The following FCRL6 variants were observed in gnomAD, a reference collection of about 807,000 sequenced individuals.
The protein encoded by FCRL6 is Fc receptor-like protein 6.
In FCRL6, 50 loss-of-function variants were observed where a neutral mutation model predicts 49.1. The ratio of observed to expected loss-of-function variants is 1.02; its 90% CI spans 0.81 to 1.29. The LOEUF (loss-of-function observed/expected upper bound fraction) is 1.29, where lower values mean the gene tolerates loss of function less well. Ranked by LOEUF, FCRL6 falls within the 50% of genes most tolerant of loss-of-function variation. The pLI is 0.00. For synonymous variants in FCRL6, 213 were observed against 199.6 expected, an observed-to-expected ratio of 1.07 and a Z score of -0.57; for missense variants, 571 against 518.5, an observed-to-expected ratio of 1.10 and a Z score of -0.98.
intron 2 of FCRL6, among the ~76,000 whole-genome samples, chr1:159,807,549 A>G (rs1478537569): frequency 6.6e-6 from 1 of 152,220 alleles, no homozygotes; most frequent in African/African-American, 2.4e-5. Context: ...TCCCTTCCAT[A>G]AGAGTGGTGG....
intron 1 of FCRL6, among the ~76,000 whole-genome samples, chr1:159,804,617 T>C (rs11583814): frequency 0.042 from 6,443 of 152,308 alleles, 142 homozygotes; most frequent in East Asian, 0.092. Flanking sequence ...ATGTTCCCAG[T>C]TGGCTGCTGT....
chr1:159,802,233 T>G (rs964134775), upstream of FCRL6: 2 of 562,726 alleles, frequency 3.6e-6, no homozygotes, highest in African/African-American at 1.9e-5. Flanking sequence ...TAATACTTCT[T>G]CAACCAAAGA....
Position 159,808,445 on chromosome 1 carries a change from G to T in FCRL6, c.319+1G>T. ...GAGACTGCCATGGTTCAAGTCCAAGGTGAGTCACCAGCTTGGGAGTTTGTG... is the reference window on the plus strand; with the variant it reads ...GAGACTGCCATGGTTCAAGTCCAAGTTGAGTCACCAGCTTGGGAGTTTGTG... On this transcript the variant is annotated splice_donor_variant, in intron 3 of 9. Coordinates refer to ENST00000368106, the MANE Select transcript of FCRL6 (RefSeq NM_001004310.3). LOFTEE classifies it high-confidence loss of function. 1 of 1,614,194 alleles carries T rather than the reference G, an allele frequency of 6.2e-7. No homozygotes were observed. The highest frequency in any genetic ancestry group is 1.7e-5 in the Admixed American group (1 of 60,028).
rs753196366 is a variant in FCRL6 at position 159,809,053 on chromosome 1, C to G, written c.412C>G (p.Pro138Ala). Residue 138 changes from proline (P) to alanine (A), a missense_variant, in exon 4 of 10, where the codon CCC becomes GCC. Transcript: ENST00000368106. ...VTLRCQTKLH[P>A]LRSALRLLFS... The stretch of plus-strand genomic sequence containing the variant: ...CCTGAGATGTCAGACAAAGCTGCAC[C>G]CCCTGAGGTCAGCCTTGAGGCTCCT... 3 of 1,613,958 alleles carry G rather than the reference C, an allele frequency of 1.9e-6. No individual in the cohort carries two copies. Among genetic ancestry groups the G allele is most frequent in the Non-Finnish European group, 2.5e-6 (3 of 1,179,970 alleles).
In FCRL6 at chr1:159,809,226, G is replaced by T. The variant is rs1162338362; in HGVS notation, c.585G>T (p.Gln195His). The T allele has an allele frequency of 6.4e-7, 1 of 1,573,362 alleles. No individual in the cohort carries two copies. Among genetic ancestry groups the T allele is most frequent in the Admixed American group, 1.8e-5 (1 of 54,168 alleles). The change falls in exon 4 of 10, where the codon CAG (glutamine) becomes CAT (histidine). Residue 195 changes from glutamine to histidine, a missense_variant. Physicochemically the swap from Gln to His is conservative, Grantham distance 24. Transcript: ENST00000368106. ...GCCAGGTCCAGAAGCAGAGCCCCCAGCTGGAGGTCAGAGTGCAGGGTAAGT... is the reference window on the plus strand; with the variant it reads ...GCCAGGTCCAGAAGCAGAGCCCCCATCTGGAGGTCAGAGTGCAGGGTAAGT... ...EGGQVQKQSPQLEVRVQAPVS... is the reference protein window; with the variant it reads ...EGGQVQKQSPHLEVRVQAPVS...
chr1:159,814,278 C>T lies in FCRL6; in HGVS notation c.1133C>T (p.Ser378Leu), dbSNP rs1181156897. 1.2e-6 allele frequency: 2 copies of T among 1,614,112 alleles called. No individual in the cohort carries two copies. The highest frequency in any genetic ancestry group is 2.2e-5 in the South Asian group (2 of 91,074). The change falls in exon 8 of 10, where the codon TCA becomes TTA. Residue 378 changes from serine to leucine, a missense_variant. By Grantham distance (145) the Ser-to-Leu change is moderately radical. Transcript: ENST00000368106. ...GVVYSVVHRT[S>L]KRSEARSAEF... ...GTCTACTCTGTGGTGCATAGAACCT[C>T]AAAGAGGAGTGAAGGTGAGTGATCT...
chr1:159,801,424 T>C (rs182929007), upstream of FCRL6, among the ~76,000 whole-genome samples: 7 of 152,318 alleles, frequency 4.6e-5, no homozygotes, highest in Admixed American at 2.0e-4. Flanking sequence ...CAGTAGAGGA[T>C]TGCATGGGGA....
At chr1:159,804,527 C>A (rs1157045613) in intron 1 of FCRL6, among the ~76,000 whole-genome samples, 1 of 152,222 alleles carries the variant, frequency 6.6e-6, no homozygotes, top group Non-Finnish European at 1.5e-5. Flanking sequence ...ATACTGTCAC[C>A]TCATCTTCAG....
intron 6 of FCRL6, among the ~76,000 whole-genome samples, chr1:159,812,387 A>G (rs1663141044): frequency 6.6e-6 from 1 of 152,224 alleles, no homozygotes; most frequent in Admixed American, 6.5e-5. Context: ...CAGTCTACAG[A>G]TGTCATGTCC....
At chr1:159,805,937 A>G (rs1662647471) in intron 1 of FCRL6, among the ~76,000 whole-genome samples, 1 of 152,212 alleles carries the variant, frequency 6.6e-6, no homozygotes, top group African/African-American at 2.4e-5. Context: ...GTCTAGTCCT[A>G]TGTTTTCTAC....
chr1:159,815,389 A>G (rs371704028), intron 8 of FCRL6, 39 bp from the exon 9 acceptor site: 1 of 1,601,570 alleles, frequency 6.2e-7, no homozygotes, highest in Admixed American at 1.7e-5. Flanking sequence ...CTTGCTGTGG[A>G]GCACAGAGAC....
intron 1 of FCRL6, among the ~76,000 whole-genome samples, chr1:159,804,811 A>C (rs1045535513): frequency 2.0e-5 from 3 of 152,116 alleles, no homozygotes; most frequent in African/African-American, 4.8e-5. Flanking sequence ...GTAGCTGCAC[A>C]ATTGTTTTCC....
At chr1:159,810,254 C>T in intron 6 of FCRL6, 38 bp downstream of exon 6, 1 of 1,594,996 alleles carries the variant, frequency 6.3e-7, no homozygotes, top group Non-Finnish European at 8.5e-7. Flanking sequence ...CTGCTGAATC[C>T]CTGTGCCAGG....
intron 8 of FCRL6, 39 bp from the exon 9 acceptor site, chr1:159,815,389 A>T (rs371704028): frequency 3.1e-6 from 5 of 1,601,452 alleles, no homozygotes; most frequent in Non-Finnish European, 4.3e-6. Context: ...CTTGCTGTGG[A>T]GCACAGAGAC....
At chr1:159,804,890 T>C (rs1017851956) in intron 1 of FCRL6, among the ~76,000 whole-genome samples, 5 of 152,228 alleles carry the variant, frequency 3.3e-5, no homozygotes, top group African/African-American at 1.2e-4. Flanking sequence ...GGTCAGGCCT[T>C]CTTTCTGCTT....
At chr1:159,814,124 G>C (rs1663246160) in intron 7 of FCRL6, 97 bp from the exon 8 acceptor site, 5 of 1,115,802 alleles carry the variant, frequency 4.5e-6, no homozygotes, top group Non-Finnish European at 6.7e-6. Context: ...CACCATAACA[G>C]AGCCCCTGAT....
At chr1:159,802,133 A>C (rs1245684892), upstream of FCRL6, among the ~76,000 whole-genome samples, 1 of 152,214 alleles carries the variant, frequency 6.6e-6, no homozygotes, top group Admixed American at 6.5e-5. Flanking sequence ...GTTCCCTGGC[A>C]TAGGCTTGTT....
chr1:159,813,672 A>C, intron 7 of FCRL6, 118 bp downstream of exon 7: 1 of 858,158 alleles, frequency 1.2e-6, no homozygotes, highest in Non-Finnish European at 1.9e-6. Flanking sequence ...GATCTGGGGA[A>C]GGAAAACAAA....
chr1:159,811,031 A>G (rs55742616), intron 6 of FCRL6, among the ~76,000 whole-genome samples: 13,690 of 152,244 alleles, frequency 0.09, 850 homozygotes, highest in Non-Finnish European at 0.14. Flanking sequence ...TCTAATCAAA[A>G]TCACTGAAAA....
Sources: gnomAD v4.1 joint callset for allele counts (sites outside exome capture counted in the v4.1 genomes callset) on GRCh38, gnomAD v4.1.1 for gene constraint, MANE v1.5 for transcripts, NCBI Gene and HGNC (gene_info 2026-07-23, HGNC 2026-07-21) for gene names.